The following CCSER1 variants were observed in gnomAD, a reference collection of about 807,000 sequenced individuals.
CCSER1 encodes the protein coiled-coil serine rich protein 1.
CCSER1 carries 41 observed loss-of-function variants against 82.0 expected under a neutral mutation model. The observed-to-expected ratio is 0.50, with a 90% CI of 0.39 to 0.65. The LOEUF (loss-of-function observed/expected upper bound fraction) is 0.65. CCSER1 is among the 30% of genes least tolerant of loss of function. CCSER1 has a pLI of 0.00. For synonymous variants in CCSER1, 414 were observed against 383.9 expected (o/e 1.08, Z -0.92); for missense variants, 1,119 against 1,064.2 (o/e 1.05, Z -0.72).
chr4:91,096,145 C>T (rs1458531754), intron 10 of CCSER1, among the ~76,000 whole-genome samples: 2 of 152,170 alleles, frequency 1.3e-5, no homozygotes, highest in African/African-American at 4.8e-5. Flanking sequence ...TATGTCCATC[C>T]TCATCTATCC....
At chr4:90,280,826 CA>C (rs1728725299) in intron 1 of CCSER1, among the ~76,000 whole-genome samples, 1 of 151,760 alleles carries the variant, frequency 6.6e-6, no homozygotes, top group South Asian at 2.1e-4. Context: ...GTTAAAGAAC[CA>C]TTGGAACACT....
intron 6 of CCSER1, among the ~76,000 whole-genome samples, chr4:90,703,299 A>G (rs1390044852): frequency 3.3e-5 from 5 of 152,184 alleles, no homozygotes; most frequent in Non-Finnish European, 7.3e-5. Context: ...GACTTTCTTA[A>G]TCCTGAGTTC....
intron 10 of CCSER1, among the ~76,000 whole-genome samples, chr4:91,172,571 T>G (rs1732871930): frequency 6.6e-6 from 1 of 152,208 alleles, no homozygotes; most frequent in South Asian, 2.1e-4. Flanking sequence ...TCATCTCACA[T>G]GCCGGGTGCT....
Position 91,179,734 on chromosome 4 carries a change from C to T in CCSER1, c.2217+93740C>T, listed in dbSNP as rs940421964. ...TTTTTCAAGGTTTTTAGCTTCTTTG[C>T]GATGGGTTTGAACATCCTCCTTTAG... On this transcript the variant is annotated intron_variant, in intron 10 of 10. Transcript: ENST00000509176. 5.3e-5 allele frequency among the ~76,000 whole-genome samples: 8 copies of T among 152,282 alleles called. No homozygotes were observed. In the East Asian group the frequency reaches 1.2e-3, roughly 22 times the overall value.
At chr4:91,367,256 G>A (rs1352512090) in intron 10 of CCSER1, among the ~76,000 whole-genome samples, 1 of 146,564 alleles carries the variant, frequency 6.8e-6, no homozygotes, top group Non-Finnish European at 1.5e-5. Context: ...GGTGGAGGTT[G>A]CAGTGAGCCA....
At chr4:90,293,445 G>C (rs1165143922) in intron 1 of CCSER1, among the ~76,000 whole-genome samples, 1 of 151,290 alleles carries the variant, frequency 6.6e-6, no homozygotes, top group Non-Finnish European at 1.5e-5. Flanking sequence ...ATACTTTAAG[G>C]ATTTTGTGAT....
intron 8 of CCSER1, among the ~76,000 whole-genome samples, chr4:90,912,957 G>A (rs921993610): frequency 5.3e-5 from 8 of 152,082 alleles, no homozygotes; most frequent in African/African-American, 1.2e-4. Context: ...GAAAAGAAAC[G>A]AACAAAGCCT....
At chr4:90,760,136 A>G (rs1478251615) in intron 7 of CCSER1, among the ~76,000 whole-genome samples, 1 of 152,066 alleles carries the variant, frequency 6.6e-6, no homozygotes, top group South Asian at 2.1e-4. Context: ...AATGAAGGAT[A>G]TATAATGAAT....
intron 10 of CCSER1, among the ~76,000 whole-genome samples, chr4:91,296,254 A>G (rs995852549): frequency 6.6e-5 from 10 of 151,546 alleles, no homozygotes; most frequent in African/African-American, 2.2e-4. Context: ...TCATTTTATT[A>G]GAAAAAGCTT....
chr4:90,936,818 A>G (rs1430401271), intron 9 of CCSER1, among the ~76,000 whole-genome samples: 1 of 152,160 alleles, frequency 6.6e-6, no homozygotes, highest in African/African-American at 2.4e-5. Context: ...CTTAATGTTT[A>G]ATTCTTAGTC....
At chr4:90,985,305 A>G (rs746555239) in intron 9 of CCSER1, among the ~76,000 whole-genome samples, 3 of 151,160 alleles carry the variant, frequency 2.0e-5, no homozygotes, top group Non-Finnish European at 4.4e-5. Context: ...TGTTGAAGTG[A>G]TAGGCTTTTA....
intron 5 of CCSER1, among the ~76,000 whole-genome samples, chr4:90,558,460 G>A (rs1375800977): frequency 6.6e-6 from 1 of 151,896 alleles, no homozygotes; most frequent in Non-Finnish European, 1.5e-5. Flanking sequence ...GGTCTCATCT[G>A]CTTGCTACCT....
chr4:90,481,052 C>T (rs141325117), intron 5 of CCSER1, among the ~76,000 whole-genome samples: 13 of 152,054 alleles, frequency 8.5e-5, no homozygotes, highest in African/African-American at 2.9e-4. Flanking sequence ...CTTTTATTTC[C>T]TTGAGCAGTG....
chr4:91,392,151 G>A (rs1263983380), intron 10 of CCSER1, among the ~76,000 whole-genome samples: 2 of 151,860 alleles, frequency 1.3e-5, no homozygotes, highest in Non-Finnish European at 2.9e-5. Context: ...GCATTATTTT[G>A]CATCTCAGGG....
intron 10 of CCSER1, among the ~76,000 whole-genome samples, chr4:91,116,697 G>A (rs1204661869): frequency 6.6e-6 from 1 of 152,178 alleles, no homozygotes; most frequent in Non-Finnish European, 1.5e-5. Context: ...AAAGAAAATT[G>A]CAGTTTAGGA....
intron 10 of CCSER1, among the ~76,000 whole-genome samples, chr4:91,377,401 T>G (rs1425489937): frequency 7.2e-5 from 11 of 152,148 alleles, no homozygotes; most frequent in Non-Finnish European, 1.0e-4. Context: ...CTACATCCTC[T>G]CCAGCACCTG....
chr4:91,315,967 G>A (rs1046053533), intron 10 of CCSER1, among the ~76,000 whole-genome samples: 1 of 151,896 alleles, frequency 6.6e-6, no homozygotes, highest in Non-Finnish European at 1.5e-5. Context: ...GGAGCTGGTG[G>A]GAGGTAATTT....
At chr4:91,476,815 A>C (rs561707733) in intron 10 of CCSER1, among the ~76,000 whole-genome samples, 1 of 151,802 alleles carries the variant, frequency 6.6e-6, no homozygotes. Flanking sequence ...ACATTGAAGA[A>C]AGGACAATCT....
chr4:90,704,365 C>G (rs1478375691), intron 6 of CCSER1, among the ~76,000 whole-genome samples: 1 of 152,184 alleles, frequency 6.6e-6, no homozygotes, highest in Non-Finnish European at 1.5e-5. Flanking sequence ...TTGGGCTTCC[C>G]TTTGTGGGTA....
Sources: allele counts gnomAD v4.1 joint callset (sites outside exome capture counted in the v4.1 genomes callset), GRCh38; gene constraint gnomAD v4.1.1; transcripts MANE v1.5; gene names NCBI Gene and HGNC (gene_info 2026-07-23, HGNC 2026-07-21).